STARD13: variants seen among roughly 807,000 people sequenced by gnomAD.
STARD13 encodes the protein stAR-related lipid transfer protein 13.
STARD13 carries 62 observed loss-of-function variants against 106.4 expected under a neutral mutation model. The ratio of observed to expected loss-of-function variants is 0.58; its 90% CI spans 0.48 to 0.72. The LOEUF is 0.72. Ranked by LOEUF, STARD13 falls within the 30% of genes least tolerant of loss-of-function variation. The pLI, the probability that STARD13 is intolerant of heterozygous loss-of-function variation, is 0.00. For synonymous variants in STARD13, 565 were observed against 553.0 expected (o/e 1.02, Z -0.31); for missense variants, 1,387 against 1,424.0 (o/e 0.97, Z 0.42).
At chr13:33,244,841 G>C (rs1889741466) in intron 1 of STARD13, among the ~76,000 whole-genome samples, 1 of 152,172 alleles carries the variant, frequency 6.6e-6, no homozygotes, top group Non-Finnish European at 1.5e-5. Context: ...GCTGAGCCCT[G>C]ACCAAATTGC....
intron 1 of STARD13, among the ~76,000 whole-genome samples, chr13:33,255,108 C>G (rs990228842): frequency 1.3e-4 from 19 of 151,254 alleles, no homozygotes; most frequent in African/African-American, 2.4e-4. Flanking sequence ...TCCCCCCCCC[C>G]TCAGAGGCTT....
chr13:33,576,695 G>T, the STARD13 span, among the ~76,000 whole-genome samples: 1 of 152,102 alleles, frequency 6.6e-6, no homozygotes, highest in Admixed American at 6.6e-5. Context: ...AAATTTGAGA[G>T]GAAACTTAGT....
chr13:33,637,449 G>A, the STARD13 span, among the ~76,000 whole-genome samples: 29 of 152,306 alleles, frequency 1.9e-4, no homozygotes, highest in South Asian at 4.8e-3. Flanking sequence ...AAAACTTGTC[G>A]TGAGAAGGAT....
At chr13:33,628,192 C>CACACACACA in the STARD13 span, among the ~76,000 whole-genome samples, 1 of 142,720 alleles carries the variant, frequency 7.0e-6, no homozygotes, top group Non-Finnish European at 1.5e-5. Context: ...CACACACACA[C>CACACACACA]CACATGCATC....
chr13:33,105,582 C>G lies in STARD13; in HGVS notation c.*11G>C. The stretch of plus-strand genomic sequence containing the variant: ...CCTCTTCCCTGAGTTTGATGTCACA[C>G]TGGGCAAAACTCAGATTTTAGTTTC... On this transcript the variant is annotated 3_prime_UTR_variant, in exon 14 of 14. Coordinates refer to ENST00000336934, the MANE Select transcript of STARD13 (RefSeq NM_178006.4). The G allele has an allele frequency of 6.3e-7, 1 of 1,586,388 alleles. No homozygotes were observed. Among genetic ancestry groups the G allele is most frequent in the East Asian group, 2.2e-5 (1 of 44,734 alleles).
At chr13:33,520,957 A>T in the STARD13 span, among the ~76,000 whole-genome samples, 1 of 152,102 alleles carries the variant, frequency 6.6e-6, no homozygotes, top group South Asian at 2.1e-4. Flanking sequence ...ATTCTTACTT[A>T]GCTTCCCCAA....
At chr13:33,165,297 T>C (rs1883187229) in intron 3 of STARD13, 40 bp downstream of exon 3, 1 of 1,465,002 alleles carries the variant, frequency 6.8e-7, no homozygotes, top group Non-Finnish European at 9.6e-7. Context: ...TGTTGCAGAC[T>C]GAACAGTGGA....
chr13:33,395,662 A>G, the STARD13 span, among the ~76,000 whole-genome samples: 4 of 152,164 alleles, frequency 2.6e-5, no homozygotes, highest in Admixed American at 1.3e-4. Context: ...TTAATTGTCA[A>G]AATAAGTGAG....
In STARD13 at chr13:33,106,855, C is replaced by T; in HGVS notation, c.3127G>A (p.Gly1043Ser). 1 of 1,614,186 alleles carries T rather than the reference C, an allele frequency of 6.2e-7. No homozygotes were observed. Among genetic ancestry groups the T allele is most frequent in the East Asian group, 2.2e-5 (1 of 44,888 alleles). Residue 1043 changes from glycine (G) to serine (S), a missense_variant, in exon 13 of 14, where the codon GGT becomes AGT. Coordinates refer to ENST00000336934, the MANE Select transcript of STARD13 (RefSeq NM_178006.4). ...TCCATCACCACTGCTCGCACACCACCCAGGAGCTGGGCTTCCTCATGCTCC... is the reference window on the plus strand; with the variant it reads ...TCCATCACCACTGCTCGCACACCACTCAGGAGCTGGGCTTCCTCATGCTCC... ...SVEHEEAQLL[G>S]GVRAVVMDSQ...
chr13:33,492,028 G>T, the STARD13 span, among the ~76,000 whole-genome samples: 5 of 152,154 alleles, frequency 3.3e-5, no homozygotes, highest in African/African-American at 4.8e-5. Flanking sequence ...ATTAGTCAAA[G>T]GGGGTTGTTC....
the STARD13 span, chr13:33,610,961 A>G: frequency 6.6e-6 from 1 of 152,256 alleles, no homozygotes; most frequent in South Asian, 2.1e-4. Context: ...ATCAAGATCC[A>G]CAGGAAGTCA....
chr13:33,191,562 A>T (rs1886259289), intron 1 of STARD13, among the ~76,000 whole-genome samples: 1 of 152,224 alleles, frequency 6.6e-6, no homozygotes, highest in Non-Finnish European at 1.5e-5. Flanking sequence ...GACAAAAGCC[A>T]CACCCAGGCT....
At chr13:33,171,815 C>T (rs1465087231) in intron 1 of STARD13, among the ~76,000 whole-genome samples, 2 of 152,334 alleles carry the variant, frequency 1.3e-5, no homozygotes, top group Non-Finnish European at 2.9e-5. Flanking sequence ...AGCCATATAT[C>T]TGCGATTCCA....
intron 1 of STARD13, among the ~76,000 whole-genome samples, chr13:33,211,249 TA>T (rs1887698749): frequency 6.6e-6 from 1 of 151,388 alleles, no homozygotes; most frequent in African/African-American, 2.4e-5. Flanking sequence ...AAATATTATT[TA>T]AAATATCTTT....
chr13:33,482,335 C>T, the STARD13 span, among the ~76,000 whole-genome samples: 2 of 152,124 alleles, frequency 1.3e-5, no homozygotes, highest in South Asian at 4.1e-4. Flanking sequence ...AAGATGAAAA[C>T]ATCCACTAAC....
the STARD13 span, among the ~76,000 whole-genome samples, chr13:33,361,616 A>G: frequency 6.6e-6 from 1 of 152,246 alleles, no homozygotes; most frequent in African/African-American, 2.4e-5. Flanking sequence ...CACAGGCTGT[A>G]CAGGAAGCAT....
the STARD13 span, among the ~76,000 whole-genome samples, chr13:33,482,577 T>C: frequency 1.3e-5 from 2 of 152,212 alleles, no homozygotes; most frequent in African/African-American, 4.8e-5. Flanking sequence ...TTAACAATTA[T>C]TTGTTGTAAT....
At chr13:33,386,503 G>T in the STARD13 span, among the ~76,000 whole-genome samples, 1 of 152,074 alleles carries the variant, frequency 6.6e-6, no homozygotes, top group Non-Finnish European at 1.5e-5. Context: ...TCAGCCCTGG[G>T]TGTGTGGTGG....
chr13:33,604,158 A>C, the STARD13 span, among the ~76,000 whole-genome samples: 1 of 152,308 alleles, frequency 6.6e-6, no homozygotes, highest in Non-Finnish European at 1.5e-5. Context: ...TTCTGAGGAT[A>C]TTATGCAGAG....
Sources: gnomAD v4.1 joint callset for allele counts (sites outside exome capture counted in the v4.1 genomes callset) on GRCh38, gnomAD v4.1.1 for gene constraint, MANE v1.5 for transcripts, NCBI Gene and HGNC (gene_info 2026-07-23, HGNC 2026-07-21) for gene names.